Variants in CD99L2 observed in about 807,000 individuals in gnomAD.
CD99L2 encodes CD99 antigen-like protein 2.
A neutral mutation model predicts 27.3 loss-of-function variants in CD99L2; 24 were observed. The ratio of observed to expected loss-of-function variants is 0.88; its 90% CI spans 0.64 to 1.24. The LOEUF (loss-of-function observed/expected upper bound fraction) is 1.24, where lower values mean the gene tolerates loss of function less well. Ranked by LOEUF, CD99L2 falls within the 50% of genes most tolerant of loss-of-function variation. CD99L2 has a pLI of 0.00. For synonymous variants in CD99L2, 97 were observed against 87.9 expected (o/e 1.10, Z -0.58); for missense variants, 255 against 221.6 (o/e 1.15, Z -0.96).
intron 1 of CD99L2, among the ~76,000 whole-genome samples, chrX:150,847,076 C>T (rs1459468662): frequency 8.9e-6 from 1 of 112,253 alleles, no homozygotes; most frequent in Non-Finnish European, 1.9e-5. Context: ...GAGCACGAGG[C>T]ACCTCCTACC....
At chrX:150,809,093 C>A (rs2046037829) in intron 4 of CD99L2, among the ~76,000 whole-genome samples, 1 of 110,980 alleles carries the variant, frequency 9.0e-6, no homozygotes, top group Admixed American at 9.6e-5. Flanking sequence ...CCTCTATAAG[C>A]AGGAAAAGGC....
chrX:150,779,401 T>C (rs2045473262), intron 7 of CD99L2, among the ~76,000 whole-genome samples: 1 of 112,371 alleles, frequency 8.9e-6, no homozygotes, highest in African/African-American at 3.2e-5. Context: ...TGTGGGCAAG[T>C]CTTCTCAGAT....
chrX:150,898,435 G>A, intron 1 of CD99L2, 87 bp downstream of exon 1: 2 of 791,911 alleles, frequency 2.5e-6, no homozygotes, highest in Non-Finnish European at 1.6e-6. Context: ...CGAGAGGCGG[G>A]GACCGTGCCG....
At chrX:150,815,454 C>T (rs1451180224) in intron 3 of CD99L2, among the ~76,000 whole-genome samples, 2 of 111,895 alleles carry the variant, frequency 1.8e-5, no homozygotes, top group Non-Finnish European at 3.8e-5. Flanking sequence ...ATCATGCCCC[C>T]GACTACTGGT....
intron 7 of CD99L2, among the ~76,000 whole-genome samples, chrX:150,788,886 C>A (rs1274481573): frequency 8.9e-6 from 1 of 111,816 alleles, no homozygotes; most frequent in South Asian, 3.7e-4. Context: ...AATGAATGAG[C>A]GTTCTTGTTG....
At chrX:150,824,707 G>GGAAGAAGAAGAAGAAGAAGAA (rs10695052) in intron 2 of CD99L2, among the ~76,000 whole-genome samples, 2 of 93,663 alleles carry the variant, frequency 2.1e-5, no homozygotes, top group Admixed American at 1.2e-4. Flanking sequence ...AAGAGGAAGA[G>GGAAGAAGAAGAAGAAGAAGAA]GAAGAAGAAG....
chrX:150,886,195 T>C (rs977017363), intron 1 of CD99L2, among the ~76,000 whole-genome samples: 3 of 112,196 alleles, frequency 2.7e-5, no homozygotes, highest in African/African-American at 9.7e-5. Context: ...GCAGAAAACT[T>C]TAGTGACTCG....
intron 1 of CD99L2, among the ~76,000 whole-genome samples, chrX:150,892,042 A>G (rs1057081379): frequency 3.6e-5 from 4 of 109,990 alleles, no homozygotes; most frequent in African/African-American, 1.3e-4. Context: ...CAACATGGAG[A>G]AACCCCATCT....
chrX:150,794,558 A>C (rs2045757394), intron 6 of CD99L2, among the ~76,000 whole-genome samples: 2 of 112,641 alleles, frequency 1.8e-5, no homozygotes, highest in Non-Finnish European at 3.8e-5. Context: ...GTCCCACGGA[A>C]CCAAGTGTGG....
intron 7 of CD99L2, among the ~76,000 whole-genome samples, chrX:150,791,994 T>C (rs1303677162): frequency 1.8e-5 from 2 of 112,203 alleles, no homozygotes; most frequent in Non-Finnish European, 3.8e-5. Flanking sequence ...AAGATCATAA[T>C]TTATTGAAAT....
chrX:150,821,637 G>GA (rs2046244141), intron 2 of CD99L2, among the ~76,000 whole-genome samples: 1 of 112,060 alleles, frequency 8.9e-6, no homozygotes, highest in East Asian at 2.8e-4. Flanking sequence ...GGCAACAAAA[G>GA]AAAAAACACA....
chrX:150,888,569 C>T (rs1444642863), intron 1 of CD99L2, among the ~76,000 whole-genome samples: 3 of 112,239 alleles, frequency 2.7e-5, no homozygotes, highest in Non-Finnish European at 5.6e-5. Context: ...TTTAATGCCA[C>T]TGAACTGTGT....
intron 4 of CD99L2, among the ~76,000 whole-genome samples, chrX:150,801,100 G>A (rs1259785358): frequency 2.7e-5 from 3 of 109,888 alleles, no homozygotes. Flanking sequence ...TTTACCTGGA[G>A]AGTTCTACCA....
chrX:150,845,636 T>A (rs934247882), intron 1 of CD99L2, among the ~76,000 whole-genome samples: 17 of 111,291 alleles, frequency 1.5e-4, no homozygotes, highest in African/African-American at 5.6e-4. Context: ...CGTCCCAGAC[T>A]GCCACTCACT....
In CD99L2 at chrX:150,795,116, A is replaced by C. The variant is rs187546314; in HGVS notation, c.430+90T>G. The C allele has an allele frequency of 2.3e-3, 2,400 of 1,037,419 alleles. 6 individuals carry two copies. Among genetic ancestry groups the C allele is most frequent in the South Asian group, 0.01 (527 of 52,239 alleles). The allele number at this position is 1,037,419 out of a possible 1,213,427, so 85.5% of individuals were successfully genotyped here. A position where few individuals can be genotyped will look rare whatever the true frequency, so the allele number is the denominator to read the frequency against. On this transcript the variant is annotated intron_variant, in intron 6 of 10. Coordinates refer to ENST00000370377, the MANE Select transcript of CD99L2 (RefSeq NM_031462.4). ...CATTATAGGGTTCTCCAGTGGCTTGAAGTGCCTCCAGCTCTGCCAGGCCCA... is the reference window on the plus strand; with the variant it reads ...CATTATAGGGTTCTCCAGTGGCTTGCAGTGCCTCCAGCTCTGCCAGGCCCA...
rs72172934 is a variant in CD99L2, at chrX:150,877,959, T to TACACACACACAC, written c.67+20551_67+20562dup. 2.1e-3 allele frequency among the ~76,000 whole-genome samples: 176 copies of TACACACACACAC among 83,068 alleles called. 4 individuals carry two copies. Among genetic ancestry groups the TACACACACACAC allele is most frequent in the African/African-American group, 7.1e-3 (152 of 21,276 alleles). 72.1% of individuals were successfully genotyped at this position (83,068 alleles called of 115,157 possible). ...AGAGTAAGACCTTATCTCAAACACATACACACACACACACACACACACACA... is the reference window on the plus strand; with the variant it reads ...AGAGTAAGACCTTATCTCAAACACATACACACACACACACACACACACACACACACACACACA... On this transcript the variant is annotated intron_variant, in intron 1 of 10. Coordinates refer to ENST00000370377, the MANE Select transcript of CD99L2 (RefSeq NM_031462.4).
At chrX:150,834,352 C>T (rs551094585) in intron 1 of CD99L2, among the ~76,000 whole-genome samples, 1 of 111,382 alleles carries the variant, frequency 9.0e-6, no homozygotes, top group East Asian at 2.8e-4. Flanking sequence ...ATTAGCTGGG[C>T]GCGGTAGCAT....
intron 1 of CD99L2, among the ~76,000 whole-genome samples, chrX:150,846,423 C>A (rs1288683694): frequency 9.1e-6 from 1 of 110,482 alleles, no homozygotes; most frequent in Non-Finnish European, 1.9e-5. Flanking sequence ...AGACACCTTG[C>A]GCAAGGGACT....
Position 150,894,571 on chromosome X carries a change from T to TTGTG in CD99L2, c.67+3947_67+3950dup, listed in dbSNP as rs199941967. Reference sequence around the variant, plus strand: ...AAGTTTATTCTTTTATTCTTTTGTTTTGTGTGTGTGTGTGTGTGTGTGTGT... The same window carrying TTGTG: ...AAGTTTATTCTTTTATTCTTTTGTTTTGTGTGTGTGTGTGTGTGTGTGTGTGTGT... On this transcript the variant is annotated intron_variant, in intron 1 of 10. Transcript: ENST00000370377. 8.9e-3 allele frequency among the ~76,000 whole-genome samples: 886 copies of TTGTG among 99,856 alleles called. 17 individuals are homozygous for TTGTG. Among genetic ancestry groups the TTGTG allele is most frequent in the African/African-American group, 0.03 (832 of 27,386 alleles). The allele number at this position is 99,856 out of a possible 115,157, so 86.7% of individuals were successfully genotyped here. A position where few individuals can be genotyped will look rare whatever the true frequency, so the allele number is the denominator to read the frequency against.
Sources: gnomAD v4.1 joint callset for allele counts (sites outside exome capture counted in the v4.1 genomes callset) on GRCh38, gnomAD v4.1.1 for gene constraint, MANE v1.5 for transcripts, NCBI Gene and HGNC (gene_info 2026-07-23, HGNC 2026-07-21) for gene names.